The following CUBN variants were observed in gnomAD, a reference collection of about 807,000 sequenced individuals.
The protein encoded by CUBN is 460 kDa receptor.
CUBN carries 282 observed loss-of-function variants against 405.3 expected under a neutral mutation model. That is an observed-to-expected ratio of 0.70 (90% CI 0.63 to 0.77). CUBN has a LOEUF of 0.77. Ranked by LOEUF, CUBN falls within the 30% of genes least tolerant of loss-of-function variation. The probability of loss-of-function intolerance (pLI) is 0.00; values close to 1 mark genes in which losing one functional copy is unlikely to be tolerated. For missense variants in CUBN, 4,514 were observed against 4,475.2 expected (o/e 1.01, Z -0.25); for synonymous variants, 1,684 against 1,617.0 (o/e 1.04, Z -0.99).
At chr10:17,109,292 T>C (rs1346458347) in intron 10 of CUBN, among the ~76,000 whole-genome samples, 4 of 152,156 alleles carry the variant, frequency 2.6e-5, no homozygotes, top group African/African-American at 7.2e-5. Flanking sequence ...CAAACTCCCT[T>C]TGCAGCAAAG....
At chr10:17,076,131 A>G (rs1835849033) in intron 17 of CUBN, among the ~76,000 whole-genome samples, 1 of 152,164 alleles carries the variant, frequency 6.6e-6, no homozygotes, top group African/African-American at 2.4e-5. Context: ...ACTGCAAGCT[A>G]AAGTGGGCCA....
rs771444469 is a variant in CUBN, at chr10:17,084,275, A to T, written c.2297T>A (p.Ile766Asn). The stretch of plus-strand genomic sequence containing the variant: ...CGATTGAGTAGTGAAAGTTACCTCA[A>T]TGTAATTCTGAGAACTGTCACTCTG... The part of the protein sequence containing the change: ...QCQSDSSQNY[I>N]EVRDGETLLG... The change falls in exon 17 of 67, where the codon ATT becomes AAT. Residue 766 changes from isoleucine (I) to asparagine (N), a missense_variant. By Grantham distance (149) the Ile-to-Asn change is moderately radical (BLOSUM62 -3). This residue lies in a region of CUBN where 1,448 missense variants were observed against 1,388.0 expected (regional missense o/e 1.04). Coordinates refer to ENST00000377833, the MANE Select transcript of CUBN (RefSeq NM_001081.4). 1 of 1,613,988 alleles carries T rather than the reference A, an allele frequency of 6.2e-7. No individual in the cohort carries two copies. Among genetic ancestry groups the T allele is most frequent in the South Asian group, 1.1e-5 (1 of 91,068 alleles).
intron 8 of CUBN, among the ~76,000 whole-genome samples, chr10:17,111,349 G>A (rs1349190629): frequency 1.3e-5 from 2 of 152,160 alleles, no homozygotes; most frequent in African/African-American, 4.8e-5. Context: ...TTGACTGCCA[G>A]TTGCACCTAT....
At chr10:16,993,242 AAAGAT>A (rs1019621214) in intron 28 of CUBN, among the ~76,000 whole-genome samples, 1 of 152,258 alleles carries the variant, frequency 6.6e-6, no homozygotes, top group African/African-American at 2.4e-5. Flanking sequence ...ACATGATATA[AAAGAT>A]AAGAAGGAAA....
chr10:16,864,532 C>T (rs1403833902), intron 59 of CUBN, among the ~76,000 whole-genome samples: 1 of 152,044 alleles, frequency 6.6e-6, no homozygotes, highest in Non-Finnish European at 1.5e-5. Flanking sequence ...TCAAATTGAT[C>T]AGTTTTTTAG....
In CUBN at chr10:16,960,550, A is replaced by T. The variant is rs372231526; in HGVS notation, c.4696-6002T>A. 4.6e-5 allele frequency among the ~76,000 whole-genome samples: 7 copies of T among 152,222 alleles called. No individual in the cohort carries two copies. The East Asian group carries it at 5.8e-4, about 13-fold the overall frequency. On this transcript the variant is annotated intron_variant, in intron 31 of 66. Transcript: ENST00000377833. ...AAAAAGCTTAACTTTATTATATAAA[A>T]ATAGGAGACTTTTTAAAAAGTACAG...
chr10:16,884,136 C>G (rs564750585), intron 56 of CUBN, among the ~76,000 whole-genome samples: 4 of 152,074 alleles, frequency 2.6e-5, no homozygotes, highest in Non-Finnish European at 5.9e-5. Context: ...CCCGCCACCA[C>G]GCCCGGCTAA....
intron 31 of CUBN, among the ~76,000 whole-genome samples, chr10:16,960,629 T>C (rs995827430): frequency 6.6e-6 from 1 of 152,230 alleles, no homozygotes; most frequent in Non-Finnish European, 1.5e-5. Context: ...TAAATGAATA[T>C]GTATGACAGT....
intron 39 of CUBN, 50 bp downstream of exon 39, chr10:16,937,542 G>A (rs1460449927): frequency 6.7e-7 from 1 of 1,491,264 alleles, no homozygotes; most frequent in African/African-American, 1.4e-5. Context: ...TTGAAACATT[G>A]GCCTGCACAT....
intron 28 of CUBN, among the ~76,000 whole-genome samples, chr10:17,011,517 G>A (rs1484407822): frequency 7.9e-6 from 1 of 125,950 alleles, no homozygotes. Flanking sequence ...TAAAGGTAGT[G>A]TGAACCCAGA....
At chr10:16,832,374 G>C (rs1313009002) in intron 64 of CUBN, among the ~76,000 whole-genome samples, 1 of 152,206 alleles carries the variant, frequency 6.6e-6, no homozygotes, top group African/African-American at 2.4e-5. Context: ...ACAAAGTTAA[G>C]ACATCTTGCT....
Position 16,934,806 on chromosome 10 carries a change from C to T in CUBN, c.5927-1522G>A, listed in dbSNP as rs77950319. On this transcript the variant is annotated intron_variant, in intron 39 of 66. Transcript: ENST00000377833. Reference sequence around the variant, plus strand: ...CTACTGCCATGGTCTCAGGCAATATCGCAGACAATGGCAGCTCCAACAGCC... The same window carrying T: ...CTACTGCCATGGTCTCAGGCAATATTGCAGACAATGGCAGCTCCAACAGCC... Among the ~76,000 whole-genome samples, 14 of 152,256 alleles carry T rather than the reference C, an allele frequency of 9.2e-5. No individual in the cohort carries two copies. In the East Asian group the frequency reaches 2.7e-3, roughly 29 times the overall value.
intron 4 of CUBN, among the ~76,000 whole-genome samples, chr10:17,125,020 C>T (rs1245859609): frequency 6.6e-6 from 1 of 151,816 alleles, no homozygotes; most frequent in African/African-American, 2.4e-5. Context: ...TTAGTAGAGA[C>T]AGGGTTCCAC....
intron 14 of CUBN, among the ~76,000 whole-genome samples, chr10:17,095,312 A>T (rs2131290930): frequency 6.6e-6 from 1 of 152,206 alleles, no homozygotes; most frequent in East Asian, 1.9e-4. Flanking sequence ...GAAAACATAC[A>T]GGAAAAGCCC....
chr10:17,059,167 G>A (rs1305000482), intron 22 of CUBN, among the ~76,000 whole-genome samples: 1 of 151,902 alleles, frequency 6.6e-6, no homozygotes. Flanking sequence ...AATGCCTTCT[G>A]TGGACCATTA....
chr10:17,049,219 C>T (rs550257642), intron 22 of CUBN, among the ~76,000 whole-genome samples: 3 of 152,178 alleles, frequency 2.0e-5, no homozygotes, highest in African/African-American at 7.2e-5. Flanking sequence ...ATTTCAGACC[C>T]AGTAATGAAA....
chr10:17,053,918 A>G (rs1835326814), intron 22 of CUBN, among the ~76,000 whole-genome samples: 1 of 152,166 alleles, frequency 6.6e-6, no homozygotes, highest in African/African-American at 2.4e-5. Flanking sequence ...AGACATCTAG[A>G]AAACCTGCAA....
intron 28 of CUBN, among the ~76,000 whole-genome samples, chr10:17,003,709 C>T (rs1344210063): frequency 6.6e-6 from 1 of 152,190 alleles, no homozygotes; most frequent in Non-Finnish European, 1.5e-5. Flanking sequence ...GGATTTATCA[C>T]AGCACTGGCC....
chr10:17,012,234 G>C (rs1186903175), intron 28 of CUBN, among the ~76,000 whole-genome samples: 1 of 152,214 alleles, frequency 6.6e-6, no homozygotes, highest in African/African-American at 2.4e-5. Context: ...GTAATAGCAA[G>C]ATGGCTGCCA....
Sources: allele counts gnomAD v4.1 joint callset (sites outside exome capture counted in the v4.1 genomes callset), GRCh38; gene constraint gnomAD v4.1.1; regional missense constraint gnomAD v4.1.1; transcripts MANE v1.5; gene names NCBI Gene and HGNC (gene_info 2026-07-23, HGNC 2026-07-21).